AGMO: variants seen among roughly 807,000 people sequenced by gnomAD.
AGMO encodes the protein glyceryl-ether monooxygenase.
A neutral mutation model predicts 60.2 loss-of-function variants in AGMO; 75 were observed. The observed-to-expected ratio is 1.25, with a 90% CI of 1.03 to 1.51. AGMO has a LOEUF of 1.51. Among genes scored for constraint, AGMO ranks in the 40% most tolerant of loss-of-function variants. AGMO has a pLI of 0.00. For missense variants in AGMO, 763 were observed against 525.5 expected (o/e 1.45, Z -4.42); for synonymous variants, 261 against 177.1 (o/e 1.47, Z -3.76).
intron 10 of AGMO, among the ~76,000 whole-genome samples, chr7:15,380,537 C>G (rs900213559): frequency 2.0e-5 from 3 of 152,128 alleles, no homozygotes; most frequent in Non-Finnish European, 4.4e-5. Context: ...GAAAGCCATT[C>G]CATGTTCATG....
At chr7:15,439,095 A>T (rs189963800) in intron 3 of AGMO, among the ~76,000 whole-genome samples, 1 of 152,278 alleles carries the variant, frequency 6.6e-6, no homozygotes, top group Non-Finnish European at 1.5e-5. Flanking sequence ...TCAAAGGGAT[A>T]TCTATAGAAA....
chr7:15,340,576 GC>G (rs1781811966), intron 12 of AGMO, among the ~76,000 whole-genome samples: 1 of 152,168 alleles, frequency 6.6e-6, no homozygotes, highest in Non-Finnish European at 1.5e-5. Context: ...TCCAGCTGTG[GC>G]TAAAAGGGGC....
At chr7:15,188,360 T>A in the AGMO span, among the ~76,000 whole-genome samples, 1 of 152,172 alleles carries the variant, frequency 6.6e-6, no homozygotes, top group Non-Finnish European at 1.5e-5. Context: ...TTAGTGAATG[T>A]AAGATACTAA....
the AGMO span, among the ~76,000 whole-genome samples, chr7:15,128,522 A>G: frequency 2.6e-5 from 4 of 152,104 alleles, no homozygotes; most frequent in Non-Finnish European, 5.9e-5. Flanking sequence ...AGTTCTTTAC[A>G]TAAAGCTTAG....
intron 12 of AGMO, among the ~76,000 whole-genome samples, chr7:15,362,024 G>A (rs184068895): frequency 1.8e-4 from 27 of 152,176 alleles, no homozygotes; most frequent in African/African-American, 6.5e-4. Context: ...GAAAAATGAA[G>A]AGAATATAGT....
chr7:15,240,862 T>C, intron 12 of AGMO, among the ~76,000 whole-genome samples: 1 of 150,388 alleles, frequency 6.6e-6, no homozygotes, highest in South Asian at 2.1e-4. Context: ...ATCTAGGTGA[T>C]TTTTTTTTCC....
chr7:15,139,669 G>C, the AGMO span, among the ~76,000 whole-genome samples: 21 of 151,858 alleles, frequency 1.4e-4, no homozygotes, highest in South Asian at 2.1e-3. Context: ...TAGGGGCAAG[G>C]AGTTGGTACA....
At chr7:15,222,646 T>C (rs1334328650) in intron 12 of AGMO, among the ~76,000 whole-genome samples, 3 of 152,098 alleles carry the variant, frequency 2.0e-5, no homozygotes, top group Non-Finnish European at 4.4e-5. Flanking sequence ...TCCCCATTTC[T>C]TTATAATGAA....
At chr7:15,369,436 C>A (rs1350499293) in intron 10 of AGMO, among the ~76,000 whole-genome samples, 2 of 152,080 alleles carry the variant, frequency 1.3e-5, no homozygotes, top group Admixed American at 1.3e-4. Flanking sequence ...CAACATAAGC[C>A]ATGCCAGAAA....
At chr7:15,540,029 A>G (rs1196176049) in intron 3 of AGMO, among the ~76,000 whole-genome samples, 1 of 152,244 alleles carries the variant, frequency 6.6e-6, no homozygotes, top group Non-Finnish European at 1.5e-5. Flanking sequence ...AATATAAGGA[A>G]TTATTAACAG....
At chr7:15,477,989 G>T (rs1782641919) in intron 3 of AGMO, among the ~76,000 whole-genome samples, 1 of 152,092 alleles carries the variant, frequency 6.6e-6, no homozygotes, top group Admixed American at 6.6e-5. Flanking sequence ...CCCTAAGTAT[G>T]AACAGGTAGA....
intron 12 of AGMO, among the ~76,000 whole-genome samples, chr7:15,305,850 A>G (rs752000826): frequency 2.7e-4 from 41 of 152,044 alleles, no homozygotes; most frequent in Non-Finnish European, 4.9e-4. Flanking sequence ...GTAATGAATC[A>G]TTAGTAAAAT....
intron 12 of AGMO, among the ~76,000 whole-genome samples, chr7:15,213,051 C>T (rs1400942717): frequency 2.6e-5 from 4 of 151,872 alleles, no homozygotes; most frequent in East Asian, 1.9e-4. Context: ...AGTTCTTCCC[C>T]TCATTGGATT....
chr7:15,464,709 G>T (rs1280112765), intron 3 of AGMO, among the ~76,000 whole-genome samples: 1 of 152,176 alleles, frequency 6.6e-6, no homozygotes, highest in Non-Finnish European at 1.5e-5. Flanking sequence ...AGACAAGACA[G>T]CAGTTATAAA....
chr7:15,477,036 C>T (rs1005474836), intron 3 of AGMO, among the ~76,000 whole-genome samples: 5 of 151,986 alleles, frequency 3.3e-5, no homozygotes, highest in African/African-American at 1.2e-4. Flanking sequence ...ATCTGAGGGT[C>T]CTCTTTTTCA....
the AGMO span, among the ~76,000 whole-genome samples, chr7:15,166,980 G>A: frequency 6.6e-6 from 1 of 152,042 alleles, no homozygotes; most frequent in Admixed American, 6.6e-5. Context: ...GTAGATACTT[G>A]GAGAAAAGAT....
At chr7:15,406,642 C>CAT (rs1247898874) in intron 5 of AGMO, among the ~76,000 whole-genome samples, 1 of 53,012 alleles carries the variant, frequency 1.9e-5, no homozygotes. Context: ...TATGAATATA[C>CAT]ATATATATGT....
chr7:15,362,764 G>C (rs778926711), intron 12 of AGMO, among the ~76,000 whole-genome samples: 1 of 152,140 alleles, frequency 6.6e-6, no homozygotes, highest in Non-Finnish European at 1.5e-5. Flanking sequence ...CAAACCACGT[G>C]TCTTTTCAAA....
chr7:15,157,466 C>T, the AGMO span, among the ~76,000 whole-genome samples: 1 of 152,184 alleles, frequency 6.6e-6, no homozygotes, highest in African/African-American at 2.4e-5. Flanking sequence ...CTGGAGGTAT[C>T]TGCAGGTACA....
Sources: allele counts gnomAD v4.1 joint callset (sites outside exome capture counted in the v4.1 genomes callset), GRCh38; gene constraint gnomAD v4.1.1; transcripts MANE v1.5; gene names NCBI Gene and HGNC (gene_info 2026-07-23, HGNC 2026-07-21).